The following SLC5A11 variants were observed in gnomAD, a reference collection of about 807,000 sequenced individuals.
SLC5A11 encodes solute carrier family 5 member 11, also known as sodium/myo-inositol cotransporter 2.
A neutral mutation model predicts 69.8 loss-of-function variants in SLC5A11; 48 were observed. The observed-to-expected ratio is 0.69, with a 90% CI of 0.55 to 0.87. The LOEUF (loss-of-function observed/expected upper bound fraction) is 0.87, where lower values mean the gene tolerates loss of function less well. Among genes scored for constraint, SLC5A11 ranks in the 40% least tolerant of loss-of-function variants. The pLI, the probability that SLC5A11 is intolerant of heterozygous loss-of-function variation, is 0.00. For missense variants in SLC5A11, 784 were observed against 866.1 expected, an observed-to-expected ratio of 0.91 and a Z score of 1.19; for synonymous variants, 319 against 342.4, an observed-to-expected ratio of 0.93 and a Z score of 0.75.
At chr16:24,866,159 A>T (rs1313292741) in intron 3 of SLC5A11, among the ~76,000 whole-genome samples, 1 of 150,918 alleles carries the variant, frequency 6.6e-6, no homozygotes, top group African/African-American at 2.4e-5. Context: ...TATTAATTGC[A>T]TGGTAATATG....
chr16:24,862,350 AGTAG>A (rs1480213853), intron 2 of SLC5A11, among the ~76,000 whole-genome samples: 7 of 152,254 alleles, frequency 4.6e-5, no homozygotes, highest in African/African-American at 1.4e-4. Context: ...AGGGAGACCA[AGTAG>A]GTTATCATAA....
chr16:24,857,431 A>C (rs1038245066), intron 1 of SLC5A11, among the ~76,000 whole-genome samples: 1 of 152,150 alleles, frequency 6.6e-6, no homozygotes, highest in Non-Finnish European at 1.5e-5. Flanking sequence ...AAACAACATA[A>C]ATTTATGACC....
chr16:24,858,279 T>C (rs545398414), intron 1 of SLC5A11, among the ~76,000 whole-genome samples: 201 of 152,360 alleles, frequency 1.3e-3, no homozygotes, highest in African/African-American at 4.5e-3. Flanking sequence ...AAGTGGAGAC[T>C]GACTCAGGTG....
chr16:24,875,634 C>G, exon 6 of SLC5A11: 1 of 1,613,354 alleles, frequency 6.2e-7, no homozygotes, highest in Non-Finnish European at 8.5e-7. Flanking sequence ...CAGGTCACCA[C>G]GATGCCAGAA....
intron 8 of SLC5A11, among the ~76,000 whole-genome samples, chr16:24,888,780 G>T (rs1391265885): frequency 5.5e-5 from 6 of 109,124 alleles, no homozygotes; most frequent in African/African-American, 6.9e-5. Context: ...CACCGTGCCT[G>T]TCCTTTTTTT....
In SLC5A11 at chr16:24,909,110, G is replaced by A. The variant is rs1442494410; in HGVS notation, c.1650+14G>A. 6 of 1,612,686 alleles carry A rather than the reference G, an allele frequency of 3.7e-6. No individual in the cohort carries two copies. Among genetic ancestry groups the A allele is most frequent in the Non-Finnish European group, 5.1e-6 (6 of 1,178,768 alleles). ...TCCAAGGAGATGGTACATTTGGGCT[G>A]ATGGCTAGATCCGTTGAGACTTTTT... On this transcript the variant is annotated intron_variant, in intron 14 of 15. Coordinates refer to ENST00000347898, the Ensembl canonical transcript of SLC5A11.
chr16:24,908,981 G>C, exon 14 of SLC5A11: 2 of 1,614,038 alleles, frequency 1.2e-6, no homozygotes, highest in Non-Finnish European at 8.5e-7. Context: ...CCAGATGAGC[G>C]CCCGGTCCTG....
intron 7 of SLC5A11, among the ~76,000 whole-genome samples, chr16:24,883,289 C>T (rs2048165457): frequency 6.6e-6 from 1 of 152,092 alleles, no homozygotes; most frequent in African/African-American, 2.4e-5. Context: ...CACTTGGGCC[C>T]AGGAAGTCTA....
intron 1 of SLC5A11, among the ~76,000 whole-genome samples, chr16:24,849,591 A>ATATAT (rs60683631): frequency 1.4e-4 from 8 of 57,492 alleles, no homozygotes; most frequent in South Asian, 6.5e-4. Flanking sequence ...AAAAAAAAAA[A>ATATAT]AAATATATAT....
At chr16:24,856,502 C>T (rs1225190406) in intron 1 of SLC5A11, among the ~76,000 whole-genome samples, 1 of 150,482 alleles carries the variant, frequency 6.6e-6, no homozygotes, top group Non-Finnish European at 1.5e-5. Flanking sequence ...GTCTGTAATC[C>T]CAGCACTTTG....
intron 3 of SLC5A11, among the ~76,000 whole-genome samples, chr16:24,866,664 T>C (rs925245290): frequency 1.3e-5 from 2 of 150,484 alleles, no homozygotes; most frequent in African/African-American, 4.9e-5. Context: ...ATTTCAAATA[T>C]GTTGAAAGTA....
chr16:24,855,715 T>C (rs985460483), intron 1 of SLC5A11, among the ~76,000 whole-genome samples: 1 of 151,648 alleles, frequency 6.6e-6, no homozygotes, highest in Admixed American at 6.6e-5. Flanking sequence ...ACAAAAAGGC[T>C]TGAGAGAGCC....
intron 3 of SLC5A11, among the ~76,000 whole-genome samples, chr16:24,864,196 C>T (rs1490300907): frequency 6.6e-6 from 1 of 152,152 alleles, no homozygotes; most frequent in Non-Finnish European, 1.5e-5. Flanking sequence ...CACACACATG[C>T]TTAGAAAAGT....
intron 1 of SLC5A11, among the ~76,000 whole-genome samples, chr16:24,856,410 G>A (rs1033105127): frequency 6.6e-6 from 1 of 151,982 alleles, no homozygotes; most frequent in East Asian, 1.9e-4. Flanking sequence ...GATTTCTTGA[G>A]GCTGGAGTTC....
intron 10 of SLC5A11, among the ~76,000 whole-genome samples, chr16:24,899,510 T>G (rs1490451294): frequency 6.6e-6 from 1 of 151,444 alleles, no homozygotes; most frequent in African/African-American, 2.4e-5. Flanking sequence ...TTCAAGTGAT[T>G]CTCATGCCTC....
intron 1 of SLC5A11, among the ~76,000 whole-genome samples, chr16:24,853,885 A>C (rs1012153146): frequency 6.6e-5 from 10 of 152,216 alleles, no homozygotes; most frequent in Admixed American, 2.6e-4. Flanking sequence ...GGTGGAGCGC[A>C]TGGAGGGTTC....
chr16:24,853,574 G>A (rs2059403882), intron 1 of SLC5A11, among the ~76,000 whole-genome samples: 1 of 152,116 alleles, frequency 6.6e-6, no homozygotes, highest in Admixed American at 6.6e-5. Context: ...CCAGAGGGAG[G>A]GAAAGAGAGA....
intron 1 of SLC5A11, among the ~76,000 whole-genome samples, chr16:24,857,155 C>T (rs2059572704): frequency 6.6e-6 from 1 of 152,192 alleles, no homozygotes; most frequent in South Asian, 2.1e-4. Context: ...TTCTTAACAT[C>T]TCTCCCCATG....
Position 24,890,954 on chromosome 16 carries a change from C to T in SLC5A11, c.750C>T (p.Cys250=), listed in dbSNP as rs768263585. ...GCAACCGGAGTGAGAACAGCAGCTG[C>T]GGGCTGCCCCGGGAAGATGCCTTCC... Residue 250 remains cysteine, a synonymous_variant, in exon 9 of 16, where the codon TGC becomes TGT. Transcript: ENST00000347898. The T allele has an allele frequency of 1.2e-5, 19 of 1,614,034 alleles. No homozygotes were observed. The Admixed American group carries it at 1.3e-4, about 11-fold the overall frequency.
Sources: allele counts gnomAD v4.1 joint callset (sites outside exome capture counted in the v4.1 genomes callset), GRCh38; gene constraint gnomAD v4.1.1; transcripts MANE v1.5; gene names NCBI Gene and HGNC (gene_info 2026-07-23, HGNC 2026-07-21).